ATP6V0D1: variants seen among roughly 807,000 people sequenced by gnomAD.
ATP6V0D1 encodes the protein ATPase H+ transporting V0 subunit d1.
A neutral mutation model predicts 39.0 loss-of-function variants in ATP6V0D1; 13 were observed. The ratio of observed to expected loss-of-function variants is 0.33; its 90% CI spans 0.22 to 0.53. The LOEUF (loss-of-function observed/expected upper bound fraction) is 0.53, where lower values mean the gene tolerates loss of function less well. Among genes scored for constraint, ATP6V0D1 ranks in the 20% least tolerant of loss-of-function variants. The pLI is 0.94. For synonymous variants in ATP6V0D1, 191 were observed against 191.2 expected (o/e 1.00, Z 0.01); for missense variants, 272 against 470.9 (o/e 0.58, Z 3.91).
intron 1 of ATP6V0D1, among the ~76,000 whole-genome samples, chr16:67,464,739 G>T (rs1244756213): frequency 6.6e-6 from 1 of 152,286 alleles, no homozygotes; most frequent in African/African-American, 2.4e-5. Flanking sequence ...AAGCACGAAA[G>T]CCTCTGTTGA....
chr16:67,467,461 T>C (rs2041339553), intron 1 of ATP6V0D1, among the ~76,000 whole-genome samples: 1 of 151,598 alleles, frequency 6.6e-6, no homozygotes, highest in Non-Finnish European at 1.5e-5. Context: ...GCCAAGATCA[T>C]GCCACTGCAC....
At chr16:67,473,902 G>A (rs868390776) in intron 1 of ATP6V0D1, among the ~76,000 whole-genome samples, 1 of 152,006 alleles carries the variant, frequency 6.6e-6, no homozygotes. Context: ...TGATCCCCCC[G>A]ACTCGGCCTT....
chr16:67,478,158 T>C (rs1319744922), intron 1 of ATP6V0D1, among the ~76,000 whole-genome samples: 1 of 152,194 alleles, frequency 6.6e-6, no homozygotes, highest in Non-Finnish European at 1.5e-5. Flanking sequence ...ATACACCAGT[T>C]GAAAAACCCA....
intron 2 of ATP6V0D1, among the ~76,000 whole-genome samples, chr16:67,449,143 G>A (rs1216015799): frequency 6.6e-6 from 1 of 152,218 alleles, no homozygotes; most frequent in Non-Finnish European, 1.5e-5. Flanking sequence ...CCAGGCTGGT[G>A]GCACTGAGGC....
In ATP6V0D1 at chr16:67,438,295, AG is replaced by A. The variant is rs1477823046; in HGVS notation, c.*232del. The A allele has an allele frequency of 3.5e-6, 2 of 572,526 alleles. No homozygotes were observed. Among genetic ancestry groups the A allele is most frequent in the South Asian group, 2.1e-5 (1 of 48,480 alleles). 35.5% of individuals were successfully genotyped at this position (572,526 alleles called of 1,614,324 possible). On this transcript the variant is annotated 3_prime_UTR_variant, in exon 8 of 8. Coordinates refer to ENST00000290949, the MANE Select transcript of ATP6V0D1 (RefSeq NM_004691.5). ...GGCTGAGGGGGCCTCCTTGCTCTGGAGGGGGTCTTCGTCCATCCTTGGTGGG... is the reference window on the plus strand; with the variant it reads ...GGCTGAGGGGGCCTCCTTGCTCTGGAGGGGTCTTCGTCCATCCTTGGTGGG...
intron 1 of ATP6V0D1, among the ~76,000 whole-genome samples, chr16:67,467,361 C>T (rs999313393): frequency 3.3e-5 from 5 of 152,114 alleles, no homozygotes; most frequent in South Asian, 2.1e-4. Flanking sequence ...AAAAATTAGG[C>T]GGGCGTGGTG....
At chr16:67,474,427 T>C (rs879805044) in intron 1 of ATP6V0D1, among the ~76,000 whole-genome samples, 1 of 152,252 alleles carries the variant, frequency 6.6e-6, no homozygotes, top group Non-Finnish European at 1.5e-5. Context: ...GGTCACCTTC[T>C]AGCCTCACCT....
intron 2 of ATP6V0D1, among the ~76,000 whole-genome samples, chr16:67,449,767 G>A (rs1217266873): frequency 1.3e-5 from 2 of 152,348 alleles, no homozygotes; most frequent in South Asian, 2.1e-4. Flanking sequence ...TATCACTGGT[G>A]CCATCCCACT....
At position 67,453,538 on chromosome 16, in the gene ATP6V0D1, A is replaced by G; in HGVS notation, c.302+6T>C. On this transcript the variant is annotated splice_donor_region_variant and intron_variant, in intron 2 of 7. Transcript: ENST00000290949. This position sits in a 1 kb window ranked among gnomAD's most constrained non-coding sequence, Gnocchi z 4.1. ...AAGAGAAGAAGGCGCTACAAAGCAC[A>G]CTCACGTAATGAAGTCTAGGAAGCT... is the stretch of plus-strand genomic sequence containing the variant. 1 of 1,613,878 alleles carries G rather than the reference A, an allele frequency of 6.2e-7. No individual in the cohort carries two copies. Among genetic ancestry groups the G allele is most frequent in the Non-Finnish European group, 8.5e-7 (1 of 1,179,882 alleles).
intron 4 of ATP6V0D1, chr16:67,439,622 C>T (rs774084499): frequency 1.9e-5 from 10 of 520,194 alleles, no homozygotes; most frequent in African/African-American, 1.1e-4. Context: ...TCCTTCACCC[C>T]CTCACCTCAC....
At chr16:67,459,140 GT>G (rs1470708552) in intron 1 of ATP6V0D1, 3 of 985,418 alleles carry the variant, frequency 3.0e-6, no homozygotes, top group Admixed American at 6.1e-5. Flanking sequence ...GCTGGCCAGA[GT>G]GACCTTCCTG....
chr16:67,471,913 A>G (rs1450611387), intron 1 of ATP6V0D1, among the ~76,000 whole-genome samples: 1 of 152,090 alleles, frequency 6.6e-6, no homozygotes, highest in African/African-American at 2.4e-5. Flanking sequence ...AGTGGCTGAG[A>G]TTACAGGCGT....
intron 2 of ATP6V0D1, among the ~76,000 whole-genome samples, chr16:67,448,211 G>A (rs567479182): frequency 9.4e-4 from 143 of 152,242 alleles, no homozygotes; most frequent in African/African-American, 3.3e-3. Context: ...AATTAGCCAG[G>A]TGTGGTGGCA....
chr16:67,447,805 G>A lies in ATP6V0D1; in HGVS notation c.303-3099C>T, dbSNP rs1169680224. 6.6e-6 allele frequency among the ~76,000 whole-genome samples: 1 copy of A among 152,210 alleles called. No homozygotes were observed. The highest frequency in any genetic ancestry group is 1.5e-5 in the Non-Finnish European group (1 of 68,046). On this transcript the variant is annotated intron_variant, in intron 2 of 7. Transcript: ENST00000290949. This position sits in a 1 kb window ranked among gnomAD's most constrained non-coding sequence, Gnocchi z 4.1. ...TGGTGCCACCTGCTGGAACAATATGGCTTCTCAACCCCGGGTGGCTGGTCT... is the reference window on the plus strand; with the variant it reads ...TGGTGCCACCTGCTGGAACAATATGACTTCTCAACCCCGGGTGGCTGGTCT...
chr16:67,464,146 T>TC (rs1302899929), intron 1 of ATP6V0D1, among the ~76,000 whole-genome samples: 1 of 152,124 alleles, frequency 6.6e-6, no homozygotes, highest in Non-Finnish European at 1.5e-5. Flanking sequence ...TCTGTATTCA[T>TC]CAGCTCCCAA....
chr16:67,466,187 G>C (rs962191764), intron 1 of ATP6V0D1, among the ~76,000 whole-genome samples: 6 of 152,156 alleles, frequency 3.9e-5, no homozygotes, highest in African/African-American at 1.2e-4. Flanking sequence ...GTCTCATAAA[G>C]AACAGGAGTT....
intron 3 of ATP6V0D1, 82 bp from the exon 4 acceptor site, chr16:67,443,260 GTGCCCGTGCCAC>G: frequency 7.0e-7 from 1 of 1,431,444 alleles, no homozygotes; most frequent in Non-Finnish European, 9.8e-7. Context: ...ACGGCACAGA[GTGCCCGTGCCAC>G]AAGGCCCACA....
At chr16:67,450,683 A>G (rs1211155914) in intron 2 of ATP6V0D1, among the ~76,000 whole-genome samples, 2 of 152,204 alleles carry the variant, frequency 1.3e-5, no homozygotes, top group Non-Finnish European at 2.9e-5. Flanking sequence ...GAGAACAGAC[A>G]GTGAATGTAA....
At chr16:67,443,651 G>A (rs1394913459) in intron 3 of ATP6V0D1, among the ~76,000 whole-genome samples, 1 of 152,172 alleles carries the variant, frequency 6.6e-6, no homozygotes, top group Admixed American at 6.5e-5. Context: ...GACCCAGGGG[G>A]CCACTGTGGG....
Sources: allele counts gnomAD v4.1 joint callset (sites outside exome capture counted in the v4.1 genomes callset), GRCh38; gene constraint gnomAD v4.1.1; non-coding constraint Gnocchi (gnomAD v3.1); transcripts MANE v1.5; gene names NCBI Gene and HGNC (gene_info 2026-07-23, HGNC 2026-07-21).